Variants in ZC3H3 observed in about 807,000 individuals in gnomAD.
ZC3H3 encodes the protein zinc finger CCCH-type containing 3, also known as zinc finger CCCH domain-containing protein 3.
In ZC3H3, 36 loss-of-function variants were observed where a neutral mutation model predicts 77.3. That is an observed-to-expected ratio of 0.47 (90% CI 0.36 to 0.61). The LOEUF (loss-of-function observed/expected upper bound fraction) is 0.61. Among genes scored for constraint, ZC3H3 ranks in the 20% least tolerant of loss-of-function variants. The pLI, the probability that ZC3H3 is intolerant of heterozygous loss-of-function variation, is 0.00. For missense variants in ZC3H3, 1,331 were observed against 1,312.2 expected, an observed-to-expected ratio of 1.01 and a Z score of -0.22; for synonymous variants, 626 against 555.2, an observed-to-expected ratio of 1.13 and a Z score of -1.79.
chr8:143,454,471 G>A (rs1169230177), intron 9 of ZC3H3, among the ~76,000 whole-genome samples: 2 of 149,640 alleles, frequency 1.3e-5, no homozygotes, highest in African/African-American at 4.9e-5. Context: ...CGCAGTCTCG[G>A]CTCACTGCAC....
At chr8:143,500,583 C>T (rs544463353) in intron 4 of ZC3H3, among the ~76,000 whole-genome samples, 115 of 152,322 alleles carry the variant, frequency 7.5e-4, no homozygotes, top group South Asian at 6.4e-3. Context: ...TGTCTTTGGC[C>T]CACAGTTCTG....
intron 1 of ZC3H3, among the ~76,000 whole-genome samples, chr8:143,539,670 G>A (rs182960963): frequency 1.1e-4 from 17 of 152,300 alleles, no homozygotes; most frequent in African/African-American, 3.8e-4. Flanking sequence ...GAATCGCAAT[G>A]ATCCCCTCTG....
At chr8:143,499,229 C>T (rs1229246642) in intron 4 of ZC3H3, among the ~76,000 whole-genome samples, 2 of 152,076 alleles carry the variant, frequency 1.3e-5, no homozygotes, top group Non-Finnish European at 2.9e-5. Context: ...AAGCCCAGGA[C>T]GAAGAGAACC....
At chr8:143,478,286 T>C (rs764722370) in intron 4 of ZC3H3, among the ~76,000 whole-genome samples, 9 of 152,146 alleles carry the variant, frequency 5.9e-5, no homozygotes, top group Non-Finnish European at 1.3e-4. Context: ...GGCACCCGGA[T>C]GGAGGGCGAG....
chr8:143,438,815 G>A (rs1819649944), intron 11 of ZC3H3, among the ~76,000 whole-genome samples: 4 of 152,180 alleles, frequency 2.6e-5, no homozygotes, highest in Non-Finnish European at 5.9e-5. Flanking sequence ...CAGGGCCGAT[G>A]AGCCCGCTCA....
intron 4 of ZC3H3, among the ~76,000 whole-genome samples, chr8:143,480,436 G>A (rs576783790): frequency 3.9e-5 from 6 of 152,316 alleles, no homozygotes; most frequent in African/African-American, 9.6e-5. Context: ...CAGCCCCCGC[G>A]CCATGTCATG....
At position 143,514,903 on chromosome 8, in the gene ZC3H3, A is replaced by C. The variant is rs73715646; in HGVS notation, c.1562-7004T>G. Among the ~76,000 whole-genome samples the C allele has an allele frequency of 1.7e-3, 253 of 152,298 alleles. 2 individuals are homozygous for C. Among genetic ancestry groups the C allele is most frequent in the African/African-American group, 5.8e-3 (240 of 41,574 alleles). Reference sequence around the variant, plus strand: ...TGCCCTCCTCAGTCCCCTCCCTGTCAGGCCCATGTGCGGCTAGGCCCGGCC... The same window carrying C: ...TGCCCTCCTCAGTCCCCTCCCTGTCCGGCCCATGTGCGGCTAGGCCCGGCC... On this transcript the variant is annotated intron_variant, in intron 3 of 11. Coordinates refer to ENST00000262577, the MANE Select transcript of ZC3H3 (RefSeq NM_015117.3).
chr8:143,524,041 C>T (rs1208764803), intron 3 of ZC3H3, among the ~76,000 whole-genome samples: 1 of 152,254 alleles, frequency 6.6e-6, no homozygotes, highest in Non-Finnish European at 1.5e-5. Context: ...AACAGAAGTC[C>T]GTGTTCCCAG....
At chr8:143,438,527 T>C (rs1819642443) in intron 11 of ZC3H3, among the ~76,000 whole-genome samples, 1 of 152,020 alleles carries the variant, frequency 6.6e-6, no homozygotes, top group African/African-American at 2.4e-5. Flanking sequence ...AAAGCCGGGG[T>C]GCACACAAGC....
intron 4 of ZC3H3, among the ~76,000 whole-genome samples, chr8:143,478,141 C>T (rs1438406382): frequency 6.6e-6 from 1 of 152,198 alleles, no homozygotes; most frequent in Non-Finnish European, 1.5e-5. Context: ...CTGGGTCCAG[C>T]CAGGACTCCC....
chr8:143,449,268 G>A (rs1163498229), intron 9 of ZC3H3, among the ~76,000 whole-genome samples: 5 of 152,164 alleles, frequency 3.3e-5, no homozygotes, highest in Non-Finnish European at 5.9e-5. Flanking sequence ...CTGAAAATGG[G>A]CTTTTCTTTT....
intron 3 of ZC3H3, among the ~76,000 whole-genome samples, chr8:143,521,512 A>G (rs1394349505): frequency 6.6e-6 from 1 of 152,188 alleles, no homozygotes; most frequent in Non-Finnish European, 1.5e-5. Flanking sequence ...CCTCCTGCAC[A>G]TGGGGCATCT....
At chr8:143,521,692 G>A (rs1366447958) in intron 3 of ZC3H3, among the ~76,000 whole-genome samples, 2 of 152,174 alleles carry the variant, frequency 1.3e-5, no homozygotes, top group East Asian at 1.9e-4. Flanking sequence ...CCCCACAGCC[G>A]TGAGGCCAGG....
At chr8:143,472,756 C>T (rs919189500) in intron 5 of ZC3H3, among the ~76,000 whole-genome samples, 10 of 152,206 alleles carry the variant, frequency 6.6e-5, no homozygotes, top group Non-Finnish European at 8.8e-5. Context: ...TGCGGGGAGA[C>T]GGACCCATGC....
chr8:143,440,978 T>C lies in ZC3H3; in HGVS notation c.2450A>G (p.Asp817Gly). ...AATSPAPGPSDATARSRVSAS... is the reference protein window; with the variant it reads ...AATSPAPGPSGATARSRVSAS... ...CGAGACCCTGCTCCTGGCGGTTGCG[T>C]CGCTGGGCCCTGGGGCGGGGGACGT... is the stretch of plus-strand genomic sequence containing the variant. Residue 817 changes from aspartate (D) to glycine (G), a missense_variant, in exon 10 of 12, where the codon GAC (aspartate) becomes GGC (glycine). Physicochemically the swap from Asp to Gly is moderately conservative, Grantham distance 94. Around this residue, in one of 3 missense-constraint regions of ZC3H3, gnomAD observed 249 missense variants for 236.9 expected, o/e 1.05. Transcript: ENST00000262577. The C allele has an allele frequency of 6.9e-7, 1 of 1,453,174 alleles. No homozygotes were observed. Among genetic ancestry groups the C allele is most frequent in the Admixed American group, 2.8e-5 (1 of 35,704 alleles). The allele number at this position is 1,453,174 out of a possible 1,614,324, so 90.0% of individuals were successfully genotyped here. A position where few individuals can be genotyped will look rare whatever the true frequency, so the allele number is the denominator to read the frequency against.
rs754913575 is a variant in ZC3H3 at position 143,538,055 on chromosome 8, C to A, written c.1312G>T (p.Ala438Ser). ...KPLSGETPLSAYKVKSRTKII... is the reference protein window; with the variant it reads ...KPLSGETPLSSYKVKSRTKII... ...TTGGTGCGGCTCTTCACTTTGTAAG[C>A]CGAGAGCGGGGTCTCCCCAGAGAGG... is the stretch of plus-strand genomic sequence containing the variant. The change falls in exon 2 of 12, where the codon GCT becomes TCT. Residue 438 changes from alanine to serine, a missense_variant. Around this residue, in one of 3 missense-constraint regions of ZC3H3, gnomAD observed 978 missense variants for 915.5 expected, o/e 1.07. Transcript: ENST00000262577. 385 of 1,612,106 alleles carry A rather than the reference C, an allele frequency of 2.4e-4. 1 individual carries two copies. Among genetic ancestry groups the A allele is most frequent in the Admixed American group, 1.5e-3 (89 of 59,842 alleles).
chr8:143,492,101 G>C (rs1017422752), intron 4 of ZC3H3, among the ~76,000 whole-genome samples: 1 of 152,228 alleles, frequency 6.6e-6, no homozygotes, highest in African/African-American at 2.4e-5. Context: ...GAATGGAGAG[G>C]AGAAACAAGA....
chr8:143,522,879 C>T (rs184473490), intron 3 of ZC3H3, among the ~76,000 whole-genome samples: 2 of 152,234 alleles, frequency 1.3e-5, no homozygotes, highest in East Asian at 1.9e-4. Context: ...GAGATGGCGC[C>T]CCTGCACTCC....
At chr8:143,481,633 G>A (rs12678438) in intron 4 of ZC3H3, among the ~76,000 whole-genome samples, 21,521 of 152,256 alleles carry the variant, frequency 0.14, 2,131 homozygotes, top group East Asian at 0.5. Context: ...ACCCTGGGAG[G>A]GAAACTGAAG....
Sources: gnomAD v4.1 joint callset for allele counts (sites outside exome capture counted in the v4.1 genomes callset) on GRCh38, gnomAD v4.1.1 for gene constraint, gnomAD v4.1.1 regional missense constraint, MANE v1.5 for transcripts, NCBI Gene and HGNC (gene_info 2026-07-23, HGNC 2026-07-21) for gene names.